The following ITGB6 variants were observed in gnomAD, a reference collection of about 807,000 sequenced individuals.
The protein encoded by ITGB6 is integrin subunit beta 6.
ITGB6 carries 80 observed loss-of-function variants against 84.5 expected under a neutral mutation model. That is an observed-to-expected ratio of 0.95 (90% CI 0.79 to 1.14). ITGB6 has a LOEUF of 1.14. ITGB6 is among the 50% of genes most tolerant of loss of function. ITGB6 has a pLI of 0.00. For synonymous variants in ITGB6, 383 were observed against 354.9 expected (o/e 1.08, Z -0.89); for missense variants, 1,006 against 968.0 (o/e 1.04, Z -0.52).
At chr2:160,135,068 G>C (rs1402852832) in intron 10 of ITGB6, among the ~76,000 whole-genome samples, 9 of 152,054 alleles carry the variant, frequency 5.9e-5, no homozygotes, top group African/African-American at 2.2e-4. Flanking sequence ...AATCAGGCAG[G>C]AGAAAGAAAT....
At chr2:160,147,720 T>C (rs1446494624) in intron 7 of ITGB6, among the ~76,000 whole-genome samples, 1 of 152,064 alleles carries the variant, frequency 6.6e-6, no homozygotes, top group African/African-American at 2.4e-5. Context: ...GGCAACACAA[T>C]GGAGCAAGGG....
chr2:160,137,633 C>A lies in ITGB6; in HGVS notation c.1461G>T (p.Gly487=). The A allele has an allele frequency of 6.2e-7, 1 of 1,614,212 alleles. No individual in the cohort carries two copies. ...TGTCCTCGCCACACTCACAGCGAGG[C>A]CCCATGTGGCCAGGGTGGCAGGCAC... is the stretch of plus-strand genomic sequence containing the variant. ...GVCACHPGHM[G]PRCECGEDML... is the part of the protein sequence containing the mutation. The change falls in exon 10 of 15, where the codon GGG becomes GGT. Residue 487 remains glycine, a synonymous_variant. Coordinates refer to ENST00000283249, the MANE Select transcript of ITGB6 (RefSeq NM_000888.5).
intron 12 of ITGB6, among the ~76,000 whole-genome samples, chr2:160,119,046 C>T (rs146596903): frequency 0.67 from 101,135 of 151,884 alleles, 34,025 homozygotes; most frequent in Admixed American, 0.74. Flanking sequence ...ACATTCCATG[C>T]TCATGGGTAG....
chr2:160,196,084 A>G, intron 3 of ITGB6, 132 bp downstream of exon 3: 1 of 787,984 alleles, frequency 1.3e-6, no homozygotes, highest in East Asian at 2.6e-5. Context: ...ATAATTTTCT[A>G]TTTCCTTAAG....
rs1375442898 is a variant in ITGB6, at chr2:160,194,717, C to A, written c.593+652G>T. ...GGAGAATATTTGATTCTGAACATGT[C>A]ATTCACTGCACAGGTAAGCCGTCAC... On this transcript the variant is annotated intron_variant, in intron 4 of 14. Coordinates refer to ENST00000283249, the MANE Select transcript of ITGB6 (RefSeq NM_000888.5). Among the ~76,000 whole-genome samples, 7 of 152,222 alleles carry A rather than the reference C, an allele frequency of 4.6e-5. No individual in the cohort carries two copies. The East Asian group carries it at 1.2e-3, about 25-fold the overall frequency.
intron 4 of ITGB6, among the ~76,000 whole-genome samples, chr2:160,181,141 C>T (rs915526138): frequency 6.6e-6 from 1 of 152,062 alleles, no homozygotes; most frequent in African/African-American, 2.4e-5. Context: ...GAGACAGAAC[C>T]GTTCACTCCC....
At chr2:160,123,692 G>A (rs1683126638) in intron 12 of ITGB6, 99 bp downstream of exon 12, 3 of 828,034 alleles carry the variant, frequency 3.6e-6, no homozygotes, top group Admixed American at 3.9e-5. Flanking sequence ...GTACAAATAA[G>A]GTCAAGCTAC....
At chr2:160,197,490 C>G (rs1354745799) in intron 2 of ITGB6, among the ~76,000 whole-genome samples, 1 of 152,160 alleles carries the variant, frequency 6.6e-6, no homozygotes. Flanking sequence ...GTGGGCATGA[C>G]ACTATGCAAA....
chr2:160,141,899 C>CTGCCTAAAATGTTACCAACAAG lies in ITGB6; in HGVS notation c.1107+82_1107+83insCTTGTTGGTAACATTTTAGGCA, dbSNP rs144644092. On this transcript the variant is annotated intron_variant, in intron 8 of 14. Coordinates refer to ENST00000283249, the MANE Select transcript of ITGB6 (RefSeq NM_000888.5). ...AAGCACTCTCTCTACCAACAAGTAA[C>CTGCCTAAAATGTTACCAACAAG]TAACATTTAACTGCCTAAATCACAT... The CTGCCTAAAATGTTACCAACAAG allele has an allele frequency of 1.2e-3, 1,023 of 837,960 alleles. 10 individuals carry two copies. The African/African-American group carries it at 0.016, about 13-fold the overall frequency. The allele number at this position is 837,960 out of a possible 1,614,324, so 51.9% of individuals were successfully genotyped here.
chr2:160,171,573 G>C (rs1417494387), intron 6 of ITGB6, among the ~76,000 whole-genome samples: 2 of 152,076 alleles, frequency 1.3e-5, no homozygotes, highest in Non-Finnish European at 2.9e-5. Flanking sequence ...CTGACCTCGT[G>C]ATCCACCGCC....
intron 14 of ITGB6, among the ~76,000 whole-genome samples, chr2:160,106,200 C>T (rs1696901173): frequency 6.6e-6 from 1 of 152,052 alleles, no homozygotes; most frequent in Admixed American, 6.6e-5. Context: ...ATTCTAATAC[C>T]CAGCATGTAT....
intron 7 of ITGB6, among the ~76,000 whole-genome samples, chr2:160,144,206 TCTGAA>T (rs1051786822): frequency 3.9e-5 from 6 of 152,152 alleles, no homozygotes; most frequent in African/African-American, 1.4e-4. Context: ...CCTGGTAAAA[TCTGAA>T]CTCTTAACAG....
At chr2:160,107,141 C>T (rs913696792) in intron 14 of ITGB6, among the ~76,000 whole-genome samples, 2 of 151,758 alleles carry the variant, frequency 1.3e-5, no homozygotes, top group Admixed American at 1.3e-4. Flanking sequence ...TTTTTCAGGT[C>T]TCTGTTTAAA....
At chr2:160,119,647 A>G (rs1682941699) in intron 12 of ITGB6, among the ~76,000 whole-genome samples, 1 of 152,162 alleles carries the variant, frequency 6.6e-6, no homozygotes, top group African/African-American at 2.4e-5. Context: ...AATGGCAACA[A>G]AAGTCAAAAT....
chr2:160,101,526 A>G lies in ITGB6; in HGVS notation c.*210T>C, dbSNP rs918458704. 7.6e-6 allele frequency: 4 copies of G among 522,942 alleles called. No homozygotes were observed. In the East Asian group the frequency reaches 1.0e-4, roughly 14 times the overall value. 32.4% of individuals were successfully genotyped at this position (522,942 alleles called of 1,614,324 possible). A position where few individuals can be genotyped will look rare whatever the true frequency, so the allele number is the denominator to read the frequency against. On this transcript the variant is annotated 3_prime_UTR_variant, in exon 15 of 15. Transcript: ENST00000283249. ...AGTTAGTATTCCTCAAATGATCCCC[A>G]AAGTCATCTCTTTGCTAAGGATATT...
intron 13 of ITGB6, among the ~76,000 whole-genome samples, chr2:160,108,254 T>C (rs78111276): frequency 0.016 from 2,466 of 151,018 alleles, 32 homozygotes; most frequent in South Asian, 0.07. Context: ...TGTGTGTGTG[T>C]GCTGCATGTC....
rs529991484 is a variant in ITGB6, at chr2:160,111,168, G to A, written c.2101+912C>T. ...AAAAAATCACCAACTAGATACAAAA[G>A]TCTCTGAATTAAAAGCAGGACTTAT... On this transcript the variant is annotated intron_variant, in intron 13 of 14. Transcript: ENST00000283249. 5.1e-4 allele frequency among the ~76,000 whole-genome samples: 77 copies of A among 151,668 alleles called. 1 individual carries two copies. The highest frequency in any genetic ancestry group is 1.9e-3 in the African/African-American group (77 of 41,380).
chr2:160,171,391 G>A (rs887731599), intron 6 of ITGB6, among the ~76,000 whole-genome samples: 1 of 146,950 alleles, frequency 6.8e-6, no homozygotes, highest in South Asian at 2.1e-4. Context: ...CTAGAGTGCA[G>A]TGGTGCGATC....
intron 10 of ITGB6, among the ~76,000 whole-genome samples, chr2:160,129,392 C>CAAAAAAAAAA (rs374921878): frequency 5.5e-5 from 7 of 126,808 alleles, no homozygotes; most frequent in African/African-American, 1.5e-4. Context: ...TACTTTTCTT[C>CAAAAAAAAAA]AAAAAAAAAA....
Sources: gnomAD v4.1 joint callset for allele counts (sites outside exome capture counted in the v4.1 genomes callset) on GRCh38, gnomAD v4.1.1 for gene constraint, MANE v1.5 for transcripts, NCBI Gene and HGNC (gene_info 2026-07-23, HGNC 2026-07-21) for gene names.